The following KCNN2 variants were observed in gnomAD, a reference collection of about 807,000 sequenced individuals.
The protein encoded by KCNN2 is small conductance calcium-activated potassium channel protein 2.
In KCNN2, 24 loss-of-function variants were observed where a neutral mutation model predicts 55.5. That is an observed-to-expected ratio of 0.43 (90% CI 0.31 to 0.61). The LOEUF is 0.61. Among genes scored for constraint, KCNN2 ranks in the 20% least tolerant of loss-of-function variants. KCNN2 has a pLI of 0.08. For synonymous variants in KCNN2, 431 were observed against 336.1 expected (o/e 1.28, Z -3.09); for missense variants, 754 against 853.6 (o/e 0.88, Z 1.45).
chr5:114,097,916 C>T lies in KCNN2; in HGVS notation c.-271+41416C>T, dbSNP rs114508833. Among the ~76,000 whole-genome samples, 359 of 152,218 alleles carry T rather than the reference C, an allele frequency of 2.4e-3. 1 individual carries two copies. The highest frequency in any genetic ancestry group is 8.3e-3 in the African/African-American group (344 of 41,546). ...TTCCTTTTGCTGCTGTGACAAATTA[C>T]CACAAACATAGTAGTTTAAAACAAC... On this transcript the variant is annotated intron_variant, in intron 1 of 10. Coordinates refer to the KCNN2 transcript ENST00000512097.
intron 2 of KCNN2, among the ~76,000 whole-genome samples, chr5:114,291,296 A>G (rs1037936805): frequency 2.0e-5 from 3 of 151,838 alleles, no homozygotes; most frequent in Non-Finnish European, 4.4e-5. Context: ...CCATTAACTC[A>G]TCATTTAGCA....
chr5:114,148,342 T>C (rs1752447343), intron 1 of KCNN2, among the ~76,000 whole-genome samples: 1 of 152,152 alleles, frequency 6.6e-6, no homozygotes, highest in Non-Finnish European at 1.5e-5. Flanking sequence ...CCTGACTTTT[T>C]TTGTGCAACA....
intron 1 of KCNN2, among the ~76,000 whole-genome samples, chr5:114,086,250 A>C (rs1160032309): frequency 6.6e-6 from 1 of 151,940 alleles, no homozygotes; most frequent in Non-Finnish European, 1.5e-5. Context: ...TGATTAGTCC[A>C]ATCTGTTTAT....
At chr5:114,486,786 A>C (rs1300796247) in intron 5 of KCNN2, 1 of 1,354,872 alleles carries the variant, frequency 7.4e-7, no homozygotes, top group Non-Finnish European at 9.7e-7. Context: ...TTGAATAAAA[A>C]AGAAGTTTCC....
At chr5:114,385,686 C>T (rs1247657322) in intron 2 of KCNN2, among the ~76,000 whole-genome samples, 2 of 152,100 alleles carry the variant, frequency 1.3e-5, no homozygotes, top group Non-Finnish European at 2.9e-5. Context: ...ACAGGTCTCC[C>T]TCTTCTGGCA....
At chr5:114,108,775 A>G (rs1751537658) in intron 1 of KCNN2, among the ~76,000 whole-genome samples, 1 of 152,062 alleles carries the variant, frequency 6.6e-6, no homozygotes, top group South Asian at 2.1e-4. Flanking sequence ...TCTGCTATCA[A>G]TTGACAGTGG....
At chr5:114,066,447 T>G (rs1750453308) in intron 1 of KCNN2, among the ~76,000 whole-genome samples, 1 of 152,224 alleles carries the variant, frequency 6.6e-6, no homozygotes, top group Non-Finnish European at 1.5e-5. Context: ...AGCAATTCCC[T>G]TGGGGAAATT....
intron 1 of KCNN2, among the ~76,000 whole-genome samples, chr5:114,179,451 G>T (rs1753198931): frequency 6.6e-6 from 1 of 152,150 alleles, no homozygotes; most frequent in Non-Finnish European, 1.5e-5. Context: ...CCTCCTCATT[G>T]TGCTTTCAAT....
chr5:114,222,478 A>G (rs1754161063), intron 2 of KCNN2, among the ~76,000 whole-genome samples: 2 of 152,232 alleles, frequency 1.3e-5, no homozygotes, highest in Non-Finnish European at 1.5e-5. Flanking sequence ...TTCTGAGACC[A>G]TGAAGTCATT....
At chr5:114,191,364 A>G (rs1753444857) in intron 1 of KCNN2, among the ~76,000 whole-genome samples, 1 of 152,062 alleles carries the variant, frequency 6.6e-6, no homozygotes, top group Admixed American at 6.6e-5. Flanking sequence ...TGAAGAACCT[A>G]AGCACCTAAA....
rs141509744 is a variant in KCNN2 at position 114,495,897 on chromosome 5, C to T, written c.2091C>T (p.Thr697=). The T allele has an allele frequency of 1.9e-4, 311 of 1,611,492 alleles. No individual in the cohort carries two copies. The highest frequency in any genetic ancestry group is 2.5e-4 in the Non-Finnish European group (299 of 1,178,252). ...QANTLVDLAK[T]QNIMYDMISD... The stretch of plus-strand genomic sequence containing the variant: ...TTCTTCTCAATCCTGTTTTTCAGAC[C>T]CAGAACATCATGTATGATATGATTT... The change falls in exon 8 of 8, where the codon ACC becomes ACT. Residue 697 remains threonine (T), a splice_region_variant and synonymous_variant. Coordinates refer to ENST00000673685, the MANE Select transcript of KCNN2 (RefSeq NM_021614.4).
At chr5:114,185,840 C>T (rs1026171470) in intron 1 of KCNN2, among the ~76,000 whole-genome samples, 1 of 152,074 alleles carries the variant, frequency 6.6e-6, no homozygotes, top group African/African-American at 2.4e-5. Flanking sequence ...AAATGCTCAT[C>T]AGCTGGTTTG....
intron 1 of KCNN2, among the ~76,000 whole-genome samples, chr5:114,117,956 A>G (rs1751741677): frequency 6.6e-6 from 1 of 152,162 alleles, no homozygotes; most frequent in African/African-American, 2.4e-5. Context: ...CTGGTTTGCC[A>G]CATATCACAA....
intron 2 of KCNN2, among the ~76,000 whole-genome samples, chr5:114,285,102 G>A (rs1186409995): frequency 6.6e-6 from 1 of 150,404 alleles, no homozygotes; most frequent in Non-Finnish European, 1.5e-5. Flanking sequence ...CTAACACAGT[G>A]AAACCCCGTC....
intron 1 of KCNN2, among the ~76,000 whole-genome samples, chr5:114,132,470 G>A (rs1321410643): frequency 6.6e-6 from 1 of 152,072 alleles, no homozygotes; most frequent in Non-Finnish European, 1.5e-5. Flanking sequence ...TGAGTTCTCT[G>A]TTCTGTTCCA....
chr5:114,495,904 A>T lies in KCNN2; in HGVS notation c.2098A>T (p.Ile700Phe). ...CAATCCTGTTTTTCAGACCCAGAAC[A>T]TCATGTATGATATGATTTCTGACTT... ...TLVDLAKTQN[I>F]MYDMISDLNE... Residue 700 changes from isoleucine to phenylalanine, a missense_variant, in exon 8 of 8, where the codon ATC becomes TTC. Physicochemically the swap from Ile to Phe is conservative, Grantham distance 21. This residue lies in a region of KCNN2 where 164 missense variants were observed against 156.6 expected (regional missense o/e 1.05). Transcript: ENST00000673685. 3 of 1,613,440 alleles carry T rather than the reference A, an allele frequency of 1.9e-6. No individual in the cohort carries two copies. Among genetic ancestry groups the T allele is most frequent in the Non-Finnish European group, 2.5e-6 (3 of 1,179,472 alleles).
intron 3 of KCNN2, among the ~76,000 whole-genome samples, chr5:114,413,370 T>A (rs976068711): frequency 6.6e-6 from 1 of 152,158 alleles, no homozygotes; most frequent in South Asian, 2.1e-4. Flanking sequence ...CTGCAACCTC[T>A]GCCTCCTGCG....
chr5:114,487,836 A>G (rs1451256941), intron 6 of KCNN2, among the ~76,000 whole-genome samples: 1 of 152,180 alleles, frequency 6.6e-6, no homozygotes, highest in Non-Finnish European at 1.5e-5. Flanking sequence ...TCATGTGGGT[A>G]TCGATTGTGA....
rs527760744 is a variant in KCNN2 at position 114,102,027 on chromosome 5, G to A, written c.-271+45527G>A. Among the ~76,000 whole-genome samples the A allele has an allele frequency of 3.9e-5, 6 of 152,246 alleles. No individual in the cohort carries two copies. The East Asian group carries it at 1.2e-3, about 29-fold the overall frequency. ...TGCCACACTGTCTTCCACAGTGGTT[G>A]AACTAATTTACACTCCCACCAACAG... On this transcript the variant is annotated intron_variant, in intron 1 of 10. Coordinates refer to the KCNN2 transcript ENST00000512097.
Sources: allele counts gnomAD v4.1 joint callset (sites outside exome capture counted in the v4.1 genomes callset), GRCh38; gene constraint gnomAD v4.1.1; regional missense constraint gnomAD v4.1.1; transcripts MANE v1.5; gene names NCBI Gene and HGNC (gene_info 2026-07-23, HGNC 2026-07-21).